Variants in NUCB2 observed in about 807,000 individuals in gnomAD.
The protein encoded by NUCB2 is nucleobindin 2, also known as nucleobindin-2.
A neutral mutation model predicts 57.9 loss-of-function variants in NUCB2; 48 were observed. The ratio of observed to expected loss-of-function variants is 0.83; its 90% CI spans 0.66 to 1.05. The LOEUF is 1.05. NUCB2 is among the 50% of genes least tolerant of loss of function. NUCB2 has a pLI of 0.00. For synonymous variants in NUCB2, 139 were observed against 152.1 expected (o/e 0.91, Z 0.64); for missense variants, 442 against 476.2 (o/e 0.93, Z 0.67).
At chr11:17,339,976 A>C (rs1431804316) in intron 2 of NUCB2, among the ~76,000 whole-genome samples, 1 of 152,204 alleles carries the variant, frequency 6.6e-6, no homozygotes, top group Non-Finnish European at 1.5e-5. Context: ...CCAACAGTGT[A>C]AAAGTGTTCC....
At chr11:17,309,960 A>T (rs1948235470) in intron 6 of NUCB2, among the ~76,000 whole-genome samples, 1 of 152,218 alleles carries the variant, frequency 6.6e-6, no homozygotes, top group Admixed American at 6.5e-5. Context: ...CTTAGTGTGA[A>T]TATTTATAGA....
At chr11:17,310,680 TG>T (rs1165814689) in intron 6 of NUCB2, 144 bp from the exon 7 acceptor site, 9 of 526,734 alleles carry the variant, frequency 1.7e-5, no homozygotes, top group Non-Finnish European at 2.6e-5. Context: ...TAAAATGAAA[TG>T]GTAGAATTTA....
chr11:17,288,546 C>CT (rs1409100990), intron 2 of NUCB2, among the ~76,000 whole-genome samples: 47 of 81,652 alleles, frequency 5.8e-4, no homozygotes, highest in African/African-American at 2.5e-3. Context: ...TCTTCTTCTT[C>CT]TTCTTCTTTT....
chr11:17,282,246 A>ATCTATCTGTC (rs60362648), intron 1 of NUCB2, among the ~76,000 whole-genome samples: 187 of 111,386 alleles, frequency 1.7e-3, no homozygotes, highest in South Asian at 5.6e-3. Flanking sequence ...CTATATATAT[A>ATCTATCTGTC]TATATATATA....
chr11:17,312,894 A>G (rs1264652092), intron 10 of NUCB2, among the ~76,000 whole-genome samples: 1 of 150,872 alleles, frequency 6.6e-6, no homozygotes, highest in Non-Finnish European at 1.5e-5. Context: ...TTTAGTAGAG[A>G]TGGGGTTTCA....
chr11:17,306,534 A>C (rs1459492532), intron 5 of NUCB2, among the ~76,000 whole-genome samples: 1 of 152,182 alleles, frequency 6.6e-6, no homozygotes, highest in Non-Finnish European at 1.5e-5. Flanking sequence ...AGATGTGTGG[A>C]GATTTCTCTC....
chr11:17,312,108 T>A lies in NUCB2; in HGVS notation c.900T>A (p.His300Gln). 1 of 1,462,188 alleles carries A rather than the reference T, an allele frequency of 6.8e-7. No homozygotes were observed. Among genetic ancestry groups the A allele is most frequent in the Admixed American group, 1.9e-5 (1 of 52,082 alleles). The allele number at this position is 1,462,188 out of a possible 1,614,324, so 90.6% of individuals were successfully genotyped here. Reference sequence around the variant, plus strand: ...AAGAAAGGCTTAGAATGAGGGAACATGTAATGAATGAGGTATGTTTTAAAA... The same window carrying A: ...AAGAAAGGCTTAGAATGAGGGAACAAGTAATGAATGAGGTATGTTTTAAAA... ...MEEERLRMRE[H>Q]VMNEVDTNKD... The change falls in exon 10 of 14, where the codon CAT becomes CAA. Residue 300 changes from histidine to glutamine, a missense_variant. His to Gln is a conservative substitution (Grantham distance 24). Coordinates refer to ENST00000529010, the MANE Select transcript of NUCB2 (RefSeq NM_005013.4).
chr11:17,336,383 A>G (rs901735292), downstream of NUCB2, among the ~76,000 whole-genome samples: 86 of 152,190 alleles, frequency 5.7e-4, no homozygotes, highest in African/African-American at 1.9e-3. Context: ...CAGAATTTTG[A>G]ATTTGAGAAT....
intron 4 of NUCB2, among the ~76,000 whole-genome samples, chr11:17,297,442 G>A (rs1176893593): frequency 2.6e-5 from 4 of 152,010 alleles, no homozygotes; most frequent in Non-Finnish European, 5.9e-5. Flanking sequence ...ACTTTTCTGG[G>A]GAAAAGGTAA....
At chr11:17,340,222 T>A (rs902551441) in intron 2 of NUCB2, among the ~76,000 whole-genome samples, 1 of 152,234 alleles carries the variant, frequency 6.6e-6, no homozygotes, top group Non-Finnish European at 1.5e-5. Context: ...CAAATTTGTT[T>A]GAGTTCATTG....
At chr11:17,326,883 A>G (rs969172651) in intron 11 of NUCB2, among the ~76,000 whole-genome samples, 1 of 152,186 alleles carries the variant, frequency 6.6e-6, no homozygotes, top group Non-Finnish European at 1.5e-5. Flanking sequence ...CATTTCTTAT[A>G]GGACAAGTCT....
intron 11 of NUCB2, among the ~76,000 whole-genome samples, chr11:17,328,249 T>C (rs1294472138): frequency 6.6e-6 from 1 of 152,222 alleles, no homozygotes; most frequent in Non-Finnish European, 1.5e-5. Flanking sequence ...ACAAATGGTC[T>C]CTCTCTCTGT....
intron 10 of NUCB2, among the ~76,000 whole-genome samples, chr11:17,312,678 T>A (rs1948677325): frequency 6.7e-6 from 1 of 148,360 alleles, no homozygotes; most frequent in Non-Finnish European, 1.5e-5. Flanking sequence ...GCTGGGATTA[T>A]AGATGGGATT....
At chr11:17,324,800 T>TTATTTATTTATG (rs1950466510) in intron 11 of NUCB2, among the ~76,000 whole-genome samples, 7 of 151,454 alleles carry the variant, frequency 4.6e-5, no homozygotes, top group South Asian at 2.1e-4. Context: ...ATTTATTTAT[T>TTATTTATTTATG]TATTTATTTA....
At chr11:17,347,523 G>A (rs1286110077) in intron 2 of NUCB2, among the ~76,000 whole-genome samples, 1 of 152,148 alleles carries the variant, frequency 6.6e-6, no homozygotes, top group Non-Finnish European at 1.5e-5. Flanking sequence ...AAATATGTGA[G>A]CATCTCTTAT....
chr11:17,279,122 G>A (rs1007972743), intron 1 of NUCB2, among the ~76,000 whole-genome samples: 4 of 152,158 alleles, frequency 2.6e-5, no homozygotes, highest in African/African-American at 9.7e-5. Context: ...GAACCTGGAG[G>A]CGGAGGTTGC....
At position 17,309,158 on chromosome 11, in the gene NUCB2, T is replaced by TA. The variant is rs1000402767; in HGVS notation, c.380-405dup. On this transcript the variant is annotated intron_variant, in intron 5 of 13. Coordinates refer to ENST00000529010, the MANE Select transcript of NUCB2 (RefSeq NM_005013.4). ...GTGAGACCCTGTCTCTACCAAAAAT[T>TA]AAAAAAAAAGAAATTAGCCAGGCGT... is the stretch of plus-strand genomic sequence containing the variant. 2.3e-3 allele frequency among the ~76,000 whole-genome samples: 351 copies of TA among 150,344 alleles called. 2 individuals are homozygous for TA. Among genetic ancestry groups the TA allele is most frequent in the African/African-American group, 8.1e-3 (331 of 41,010 alleles).
Position 17,330,167 on chromosome 11 carries a change from AAG to A in NUCB2, c.1045_1046del (p.Glu349IlefsTer2). On this transcript the variant is annotated frameshift_variant, in exon 12 of 14. Transcript: ENST00000529010. LOFTEE classifies it high-confidence loss of function. This position sits in a 1 kb window ranked among gnomAD's most constrained non-coding sequence, Gnocchi z 4.3. ...CAGTTCTTCACAGAGGAAGAACTAA[AAG>A]AATATGAAAATATTATTGCTTTACA... 2 of 1,578,044 alleles carry A rather than the reference AAG, an allele frequency of 1.3e-6. No individual in the cohort carries two copies. The highest frequency in any genetic ancestry group is 1.7e-6 in the Non-Finnish European group (2 of 1,152,932).
intron 2 of NUCB2, among the ~76,000 whole-genome samples, chr11:17,294,161 A>G (rs1591304361): frequency 6.6e-6 from 1 of 152,218 alleles, no homozygotes; most frequent in Non-Finnish European, 1.5e-5. Context: ...GGTGATTCAT[A>G]GTGAGAAGAC....
Sources: gnomAD v4.1 joint callset for allele counts (sites outside exome capture counted in the v4.1 genomes callset) on GRCh38, gnomAD v4.1.1 for gene constraint, Gnocchi (gnomAD v3.1) non-coding constraint, MANE v1.5 for transcripts, NCBI Gene and HGNC (gene_info 2026-07-23, HGNC 2026-07-21) for gene names.